The following ZBTB16 variants were observed in gnomAD, a reference collection of about 807,000 sequenced individuals.
ZBTB16 encodes zinc finger and BTB domain-containing protein 16.
In ZBTB16, 8 loss-of-function variants were observed where a neutral mutation model predicts 56.8. That is an observed-to-expected ratio of 0.14 (90% confidence interval 0.08 to 0.25). ZBTB16 has a LOEUF of 0.25. Among genes scored for constraint, ZBTB16 ranks in the 10% least tolerant of loss-of-function variants. The pLI, the probability that ZBTB16 is intolerant of heterozygous loss-of-function variation, is 1.00. For synonymous variants in ZBTB16, 363 were observed against 368.5 expected (o/e 0.98, Z 0.17); for missense variants, 625 against 903.0 (o/e 0.69, Z 3.95).
At chr11:114,123,378 T>C (rs1487198260) in intron 2 of ZBTB16, among the ~76,000 whole-genome samples, 1 of 152,188 alleles carries the variant, frequency 6.6e-6, no homozygotes, top group African/African-American at 2.4e-5. Context: ...CAATGTCCTG[T>C]GCCAGATTAG....
At chr11:114,133,288 G>T (rs546824623) in intron 2 of ZBTB16, among the ~76,000 whole-genome samples, 1 of 152,150 alleles carries the variant, frequency 6.6e-6, no homozygotes, top group Admixed American at 6.5e-5. Context: ...CTCCTCCCCA[G>T]CCCTGCCCCA....
At chr11:114,092,858 C>T (rs1049234301) in intron 2 of ZBTB16, among the ~76,000 whole-genome samples, 2 of 152,152 alleles carry the variant, frequency 1.3e-5, no homozygotes, top group Non-Finnish European at 2.9e-5. Context: ...CAATCTTCCT[C>T]CCACCTTTCC....
intron 1 of ZBTB16, among the ~76,000 whole-genome samples, chr11:114,061,054 C>T (rs1436826091): frequency 1.3e-5 from 2 of 152,184 alleles, no homozygotes; most frequent in African/African-American, 2.4e-5. Flanking sequence ...CCTAGCTCAG[C>T]TCTCCTTCTT....
intron 2 of ZBTB16, among the ~76,000 whole-genome samples, chr11:114,126,431 G>A (rs1393838830): frequency 1.3e-5 from 2 of 152,206 alleles, no homozygotes; most frequent in African/African-American, 4.8e-5. Context: ...GGCTGTGGGT[G>A]ACTATAGATC....
intron 2 of ZBTB16, among the ~76,000 whole-genome samples, chr11:114,080,760 G>T (rs1215879884): frequency 2.0e-5 from 3 of 152,152 alleles, no homozygotes; most frequent in Non-Finnish European, 4.4e-5. Context: ...CATGCTTGTT[G>T]TTCTGGCTAA....
At chr11:114,179,495 T>C (rs952037161) in intron 3 of ZBTB16, among the ~76,000 whole-genome samples, 2 of 152,222 alleles carry the variant, frequency 1.3e-5, no homozygotes, top group African/African-American at 2.4e-5. Flanking sequence ...TTTTTGGGTC[T>C]GCTGTTTTGG....
chr11:114,244,725 A>C (rs1944780602), intron 5 of ZBTB16, among the ~76,000 whole-genome samples: 1 of 151,976 alleles, frequency 6.6e-6, no homozygotes, highest in Admixed American at 6.6e-5. Flanking sequence ...CTCATTTAAC[A>C]TGTGCTCCAC....
chr11:114,143,161 G>A lies in ZBTB16; in HGVS notation c.1269-13176G>A, dbSNP rs1942001608. Among the ~76,000 whole-genome samples, 1 of 152,104 alleles carries A rather than the reference G, an allele frequency of 6.6e-6. No homozygotes were observed. The highest frequency in any genetic ancestry group is 1.5e-5 in the Non-Finnish European group (1 of 68,028). On this transcript the variant is annotated intron_variant, in intron 2 of 6. Transcript: ENST00000335953. This position sits in a 1 kb window ranked among gnomAD's most constrained non-coding sequence, Gnocchi z 6.4. ...TGGCTGATGAGGGTGAGGAGCGGTG[G>A]GTACCCGGCTCTAAGCAATATGTTC...
At chr11:114,133,134 C>T (rs1428223824) in intron 2 of ZBTB16, among the ~76,000 whole-genome samples, 1 of 152,072 alleles carries the variant, frequency 6.6e-6, no homozygotes, top group Admixed American at 6.6e-5. Context: ...GCTGCCTGTC[C>T]ATCTCTCTAC....
At chr11:114,114,764 C>T (rs1941120789) in intron 2 of ZBTB16, among the ~76,000 whole-genome samples, 1 of 151,690 alleles carries the variant, frequency 6.6e-6, no homozygotes, top group Admixed American at 6.6e-5. Flanking sequence ...ACTGCAACCT[C>T]TGCCTGCCAG....
chr11:114,105,811 G>C (rs906521902), intron 2 of ZBTB16, among the ~76,000 whole-genome samples: 13 of 152,180 alleles, frequency 8.5e-5, no homozygotes, highest in African/African-American at 4.8e-5. Flanking sequence ...CCATAAAAGA[G>C]ACATTTGGAC....
At chr11:114,206,510 C>T (rs988932499) in intron 4 of ZBTB16, among the ~76,000 whole-genome samples, 7 of 152,188 alleles carry the variant, frequency 4.6e-5, no homozygotes, top group African/African-American at 9.7e-5. Context: ...CCTCCTTGGC[C>T]GTCTGTGAGT....
intron 2 of ZBTB16, among the ~76,000 whole-genome samples, chr11:114,116,258 G>C (rs1468122432): frequency 6.6e-6 from 1 of 152,182 alleles, no homozygotes; most frequent in Non-Finnish European, 1.5e-5. Context: ...GTTACTGACG[G>C]ATGAAATCAT....
rs565648932 is a variant in ZBTB16, at chr11:114,193,675, G to A, written c.1453+6637G>A. Reference sequence around the variant, plus strand: ...GAAGGGAGTTGCCTGATGACAGGGAGCGCTGAAAATGTCACTAAAGCTATT... The same window carrying A: ...GAAGGGAGTTGCCTGATGACAGGGAACGCTGAAAATGTCACTAAAGCTATT... On this transcript the variant is annotated intron_variant, in intron 4 of 6. Transcript: ENST00000335953. Among the ~76,000 whole-genome samples, 13 of 152,310 alleles carry A rather than the reference G, an allele frequency of 8.5e-5. No individual in the cohort carries two copies. The South Asian group carries it at 1.7e-3, about 19-fold the overall frequency.
At chr11:114,088,136 A>ACTT (rs1172833640) in intron 2 of ZBTB16, among the ~76,000 whole-genome samples, 2 of 94,170 alleles carry the variant, frequency 2.1e-5, no homozygotes, top group Admixed American at 1.1e-4. Flanking sequence ...AAAGCCAGAT[A>ACTT]CTTCTTTTTT....
At chr11:114,248,071 A>AT (rs542554233) in intron 6 of ZBTB16, among the ~76,000 whole-genome samples, 8 of 151,682 alleles carry the variant, frequency 5.3e-5, no homozygotes, top group African/African-American at 9.7e-5. Context: ...CTAATTTTGT[A>AT]TTTTTTTTAG....
At chr11:114,238,685 C>CTG (rs140425924) in intron 4 of ZBTB16, among the ~76,000 whole-genome samples, 1,647 of 152,192 alleles carry the variant, frequency 0.011, 33 homozygotes, top group African/African-American at 0.038. Context: ...ACTGCATTGC[C>CTG]TGTAGAATAA....
chr11:114,238,687 G>A (rs1242483448), intron 4 of ZBTB16, among the ~76,000 whole-genome samples: 2 of 152,084 alleles, frequency 1.3e-5, no homozygotes, highest in East Asian at 1.9e-4. Context: ...TGCATTGCCT[G>A]TAGAATAAAG....
At chr11:114,133,801 C>A (rs533210908) in intron 2 of ZBTB16, among the ~76,000 whole-genome samples, 1 of 152,334 alleles carries the variant, frequency 6.6e-6, no homozygotes, top group African/African-American at 2.4e-5. Context: ...CCCCATGGTC[C>A]TCAGAGACCT....
Sources: gnomAD v4.1 joint callset for allele counts (sites outside exome capture counted in the v4.1 genomes callset) on GRCh38, gnomAD v4.1.1 for gene constraint, Gnocchi (gnomAD v3.1) non-coding constraint, MANE v1.5 for transcripts, NCBI Gene and HGNC (gene_info 2026-07-23, HGNC 2026-07-21) for gene names.